Variants in KCNH8 observed in about 807,000 individuals in gnomAD.
The protein encoded by KCNH8 is voltage-gated delayed rectifier potassium channel KCNH8.
A neutral mutation model predicts 103.6 loss-of-function variants in KCNH8; 70 were observed. The observed-to-expected ratio is 0.68, with a 90% CI of 0.56 to 0.82. KCNH8 has a LOEUF of 0.82. KCNH8 is among the 40% of genes least tolerant of loss of function. The pLI, the probability that KCNH8 is intolerant of heterozygous loss-of-function variation, is 0.00. For synonymous variants in KCNH8, 498 were observed against 489.4 expected (o/e 1.02, Z -0.23); for missense variants, 1,217 against 1,329.9 (o/e 0.92, Z 1.32).
At chr3:19,278,145 A>T (rs1340352123) in intron 2 of KCNH8, among the ~76,000 whole-genome samples, 2 of 152,134 alleles carry the variant, frequency 1.3e-5, no homozygotes, top group African/African-American at 4.8e-5. Context: ...TTAGAAATGC[A>T]GGGTGGAGGG....
intron 1 of KCNH8, among the ~76,000 whole-genome samples, chr3:19,170,034 G>A (rs904302737): frequency 6.6e-6 from 1 of 152,158 alleles, no homozygotes; most frequent in Non-Finnish European, 1.5e-5. Flanking sequence ...ATCTGTGGAG[G>A]AGATCCACAT....
At chr3:19,518,942 CAGG>C (rs2068924148) in intron 15 of KCNH8, among the ~76,000 whole-genome samples, 1 of 151,836 alleles carries the variant, frequency 6.6e-6, no homozygotes, top group South Asian at 2.1e-4. Context: ...AAAAGTGATA[CAGG>C]AAGTATAATT....
intron 5 of KCNH8, among the ~76,000 whole-genome samples, chr3:19,374,208 G>T (rs902311427): frequency 1.3e-5 from 2 of 150,896 alleles, no homozygotes; most frequent in African/African-American, 4.9e-5. Context: ...TGACAGTGGG[G>T]TGTTAAAGTC....
intron 13 of KCNH8, among the ~76,000 whole-genome samples, chr3:19,514,089 T>C (rs2068833426): frequency 6.6e-6 from 1 of 152,086 alleles, no homozygotes; most frequent in Non-Finnish European, 1.5e-5. Flanking sequence ...TATAAAGTAG[T>C]TTGTGTTATC....
intron 15 of KCNH8, among the ~76,000 whole-genome samples, 177 bp from the exon 16 acceptor site, chr3:19,533,218 A>G (rs28627161): frequency 6.6e-6 from 1 of 150,756 alleles, no homozygotes; most frequent in East Asian, 2.0e-4. Flanking sequence ...AAAAAAAAAA[A>G]GGAAAAAGAA....
chr3:19,190,938 T>C (rs2063546076), intron 1 of KCNH8, among the ~76,000 whole-genome samples: 1 of 151,936 alleles, frequency 6.6e-6, no homozygotes. Flanking sequence ...TATGTAATAC[T>C]GCTTTTGATA....
At position 19,155,128 on chromosome 3, in the gene KCNH8, C is replaced by T. The variant is rs933357172; in HGVS notation, c.76+6333C>T. On this transcript the variant is annotated intron_variant, in intron 1 of 15. Transcript: ENST00000328405. ...CTTTGTCACATAAACTCTTCAAATG[C>T]CACATGTCCCCAAATGAACTAATAA... Among the ~76,000 whole-genome samples, 4 of 152,160 alleles carry T rather than the reference C, an allele frequency of 2.6e-5. 1 individual carries two copies. Among genetic ancestry groups the T allele is most frequent in the Admixed American group, 2.6e-4 (4 of 15,282 alleles).
At position 19,377,168 on chromosome 3, in the gene KCNH8, T is replaced by A. The variant is rs542473596; in HGVS notation, c.812-13313T>A. 5.9e-5 allele frequency among the ~76,000 whole-genome samples: 9 copies of A among 152,316 alleles called. No individual in the cohort carries two copies. The East Asian group carries it at 1.7e-3, about 29-fold the overall frequency. ...TAACAGCTGTAGCAGCCAACAAAAA[T>A]ATTGTTTTCAAAAAACTAAAATAAA... is the stretch of plus-strand genomic sequence containing the variant. On this transcript the variant is annotated intron_variant, in intron 5 of 15. Transcript: ENST00000328405.
chr3:19,354,061 A>G (rs2065843944), intron 5 of KCNH8, among the ~76,000 whole-genome samples: 1 of 152,176 alleles, frequency 6.6e-6, no homozygotes, highest in Non-Finnish European at 1.5e-5. Flanking sequence ...TCAATGTGCA[A>G]AAATCACAAG....
chr3:19,371,771 G>C (rs1466467952), intron 5 of KCNH8, among the ~76,000 whole-genome samples: 5 of 150,884 alleles, frequency 3.3e-5, no homozygotes, highest in East Asian at 1.9e-4. Flanking sequence ...TTTAATCCAT[G>C]TTGAATTGAT....
intron 5 of KCNH8, among the ~76,000 whole-genome samples, chr3:19,362,395 A>C (rs2065958632): frequency 6.6e-6 from 1 of 152,252 alleles, no homozygotes; most frequent in Middle Eastern, 3.4e-3. Flanking sequence ...GAGTTGTTTT[A>C]GTAGATTGGT....
At chr3:19,429,469 C>T (rs1407982544) in intron 7 of KCNH8, among the ~76,000 whole-genome samples, 4 of 152,270 alleles carry the variant, frequency 2.6e-5, no homozygotes, top group Middle Eastern at 3.4e-3. Context: ...CCACCGCGCC[C>T]GGCCGGAATC....
At position 19,259,515 on chromosome 3, in the gene KCNH8, A is replaced by T. The variant is rs533683753; in HGVS notation, c.310+5628A>T. Among the ~76,000 whole-genome samples the T allele has an allele frequency of 2.5e-4, 38 of 151,880 alleles. 1 individual carries two copies. The highest frequency in any genetic ancestry group is 5.3e-4 in the Non-Finnish European group (36 of 67,880). On this transcript the variant is annotated intron_variant, in intron 2 of 15. Transcript: ENST00000328405. ...GATGAGGAAACTGTGATGTAGAAAAATGACTTAAACACAGGTCTAAATGTT... is the reference window on the plus strand; with the variant it reads ...GATGAGGAAACTGTGATGTAGAAAATTGACTTAAACACAGGTCTAAATGTT...
chr3:19,261,482 A>G (rs1345728975), intron 2 of KCNH8, among the ~76,000 whole-genome samples: 1 of 151,614 alleles, frequency 6.6e-6, no homozygotes, highest in Admixed American at 6.6e-5. Context: ...TTCTTTATCA[A>G]TCTTGGATAT....
At chr3:19,526,528 G>T (rs1204222983) in intron 15 of KCNH8, among the ~76,000 whole-genome samples, 1 of 151,824 alleles carries the variant, frequency 6.6e-6, no homozygotes, top group Non-Finnish European at 1.5e-5. Context: ...TTCCCAAAAG[G>T]CACAATCTAA....
chr3:19,350,640 C>T (rs1238673377), intron 5 of KCNH8, among the ~76,000 whole-genome samples: 2 of 152,098 alleles, frequency 1.3e-5, no homozygotes, highest in Non-Finnish European at 2.9e-5. Context: ...CTCCAGCAAA[C>T]TCCAACAGAC....
At chr3:19,326,883 C>T (rs1488486592) in intron 3 of KCNH8, among the ~76,000 whole-genome samples, 3 of 152,132 alleles carry the variant, frequency 2.0e-5, no homozygotes, top group Admixed American at 2.0e-4. Flanking sequence ...TGGCTGGATT[C>T]ATTCATGTAG....
intron 7 of KCNH8, among the ~76,000 whole-genome samples, chr3:19,396,343 G>T (rs2066517730): frequency 6.6e-6 from 1 of 152,094 alleles, no homozygotes; most frequent in African/African-American, 2.4e-5. Context: ...CTCAGCATAG[G>T]ACATATACAA....
At chr3:19,385,059 T>C (rs1412091546) in intron 5 of KCNH8, among the ~76,000 whole-genome samples, 2 of 151,904 alleles carry the variant, frequency 1.3e-5, no homozygotes, top group African/African-American at 4.8e-5. Context: ...AATGAAGATA[T>C]TCAACCTGAG....
Sources: gnomAD v4.1 joint callset for allele counts (sites outside exome capture counted in the v4.1 genomes callset) on GRCh38, gnomAD v4.1.1 for gene constraint, MANE v1.5 for transcripts, NCBI Gene and HGNC (gene_info 2026-07-23, HGNC 2026-07-21) for gene names.